Variants in TMEM87B observed in about 807,000 individuals in gnomAD.
The protein encoded by TMEM87B is transmembrane protein 87B.
TMEM87B carries 83 observed loss-of-function variants against 80.3 expected under a neutral mutation model. The ratio of observed to expected loss-of-function variants is 1.03; its 90% CI spans 0.87 to 1.24. TMEM87B has a LOEUF of 1.24. Ranked by LOEUF, TMEM87B falls within the 50% of genes most tolerant of loss-of-function variation. The probability of loss-of-function intolerance (pLI) is 0.00; values close to 1 mark genes in which losing one functional copy is unlikely to be tolerated. For missense variants in TMEM87B, 625 were observed against 674.4 expected (o/e 0.93, Z 0.81); for synonymous variants, 219 against 230.5 (o/e 0.95, Z 0.45).
intron 13 of TMEM87B, 124 bp downstream of exon 13, chr2:112,097,415 A>G: frequency 1.1e-6 from 1 of 918,996 alleles, no homozygotes; most frequent in Non-Finnish European, 1.6e-6. Flanking sequence ...TTTACTTTGA[A>G]CTATTTTTTA....
intron 15 of TMEM87B, among the ~76,000 whole-genome samples, chr2:112,101,063 C>T (rs769705417): frequency 6.6e-6 from 1 of 152,170 alleles, no homozygotes; most frequent in Non-Finnish European, 1.5e-5. Context: ...AATTTCTGAT[C>T]ATGCTGAAAG....
intron 4 of TMEM87B, among the ~76,000 whole-genome samples, chr2:112,074,105 C>A (rs530803344): frequency 2.0e-5 from 3 of 151,980 alleles, no homozygotes; most frequent in Non-Finnish European, 4.4e-5. Context: ...TGGGTTTGAT[C>A]GTGTCATCAT....
intron 9 of TMEM87B, among the ~76,000 whole-genome samples, chr2:112,086,510 G>C (rs1182652478): frequency 3.9e-5 from 6 of 152,154 alleles, no homozygotes; most frequent in African/African-American, 1.4e-4. Flanking sequence ...TGTCCCTCAA[G>C]GACTCTGCTT....
intron 17 of TMEM87B, among the ~76,000 whole-genome samples, chr2:112,110,584 C>A (rs10201778): frequency 0.047 from 7,090 of 152,098 alleles, 189 homozygotes; most frequent in African/African-American, 0.083. Flanking sequence ...ATTCTGAGAG[C>A]TTTTATGATG....
At chr2:112,056,691 T>G (rs183966796) in intron 1 of TMEM87B, among the ~76,000 whole-genome samples, 1 of 152,312 alleles carries the variant, frequency 6.6e-6, no homozygotes, top group Non-Finnish European at 1.5e-5. Flanking sequence ...AAAAAGAAAG[T>G]AGTTCCAAAG....
chr2:112,116,040 G>GA, intron 18 of TMEM87B, 44 bp from the exon 19 acceptor site: 1 of 1,522,156 alleles, frequency 6.6e-7, no homozygotes. Context: ...GGTTCTGGAA[G>GA]TAGTATCAAC....
intron 9 of TMEM87B, among the ~76,000 whole-genome samples, chr2:112,089,389 C>A (rs370270166): frequency 6.6e-6 from 1 of 152,234 alleles, no homozygotes; most frequent in East Asian, 1.9e-4. Context: ...TCCTCTGGCA[C>A]CTTTGTGGCC....
intron 6 of TMEM87B, among the ~76,000 whole-genome samples, chr2:112,080,646 T>C (rs973816395): frequency 2.6e-4 from 40 of 152,336 alleles, no homozygotes; most frequent in Admixed American, 1.2e-3. Flanking sequence ...TTCTTGGATA[T>C]ATGGCTTGCT....
At chr2:112,088,563 TA>T (rs1024685223) in intron 9 of TMEM87B, among the ~76,000 whole-genome samples, 1 of 152,196 alleles carries the variant, frequency 6.6e-6, no homozygotes, top group Non-Finnish European at 1.5e-5. Context: ...CTATCTTAAA[TA>T]TTTTTTTAAA....
At chr2:112,071,254 G>A (rs917577576) in intron 4 of TMEM87B, among the ~76,000 whole-genome samples, 1 of 151,846 alleles carries the variant, frequency 6.6e-6, no homozygotes, top group Non-Finnish European at 1.5e-5. Flanking sequence ...TCATGATTTG[G>A]CTCTTGGCTT....
chr2:112,081,575 TGAGC>T, intron 8 of TMEM87B, 57 bp downstream of exon 8: 3 of 1,498,506 alleles, frequency 2.0e-6, no homozygotes, highest in Non-Finnish European at 2.7e-6. Context: ...CCAGTATTTA[TGAGC>T]AGAGCAGTGG....
intron 13 of TMEM87B, among the ~76,000 whole-genome samples, chr2:112,098,006 C>T (rs1291646801): frequency 2.6e-5 from 4 of 151,224 alleles, no homozygotes; most frequent in East Asian, 2.0e-4. Flanking sequence ...AGATGAGTCT[C>T]ACTCCGTCAG....
chr2:112,102,431 T>C (rs970697006), intron 15 of TMEM87B, among the ~76,000 whole-genome samples: 2 of 152,212 alleles, frequency 1.3e-5, no homozygotes, highest in South Asian at 4.1e-4. Flanking sequence ...CGGTGGCTCA[T>C]GCCTGTAATC....
intron 1 of TMEM87B, among the ~76,000 whole-genome samples, chr2:112,057,391 T>G (rs568075083): frequency 6.6e-6 from 1 of 152,226 alleles, no homozygotes; most frequent in African/African-American, 2.4e-5. Flanking sequence ...TCCTCTAGTC[T>G]CAGTCTCCTG....
At chr2:112,061,918 A>C (rs530376305) in intron 2 of TMEM87B, among the ~76,000 whole-genome samples, 2 of 152,300 alleles carry the variant, frequency 1.3e-5, no homozygotes, top group Admixed American at 1.3e-4. Flanking sequence ...TGGGGCTGGC[A>C]GTTGTGGATA....
At chr2:112,101,173 C>T (rs1344269478) in intron 15 of TMEM87B, among the ~76,000 whole-genome samples, 1 of 152,132 alleles carries the variant, frequency 6.6e-6, no homozygotes, top group Non-Finnish European at 1.5e-5. Flanking sequence ...AATTAAGCAT[C>T]TGTTAAGGCA....
intron 10 of TMEM87B, 26 bp from the exon 11 acceptor site, chr2:112,091,685 GT>G (rs1558843255): frequency 6.5e-7 from 1 of 1,531,476 alleles, no homozygotes; most frequent in Non-Finnish European, 9.0e-7. Flanking sequence ...TTACATTCAG[GT>G]TTCTTCCCTT....
At chr2:112,089,828 A>G in intron 10 of TMEM87B, 110 bp downstream of exon 10, 2 of 1,013,270 alleles carry the variant, frequency 2.0e-6, no homozygotes, top group South Asian at 1.4e-5. Context: ...AAAAGGCCCA[A>G]TTTGAACTTT....
intron 1 of TMEM87B, among the ~76,000 whole-genome samples, chr2:112,057,153 C>G (rs1678099989): frequency 1.3e-5 from 2 of 152,222 alleles, no homozygotes; most frequent in Admixed American, 6.5e-5. Context: ...CGCCAGAAGT[C>G]TAAAAGCCCT....
Sources: gnomAD v4.1 joint callset for allele counts (sites outside exome capture counted in the v4.1 genomes callset) on GRCh38, gnomAD v4.1.1 for gene constraint, MANE v1.5 for transcripts, NCBI Gene and HGNC (gene_info 2026-07-23, HGNC 2026-07-21) for gene names.